Variants in CCDC91 observed in about 807,000 individuals in gnomAD.
CCDC91 encodes the protein coiled-coil domain-containing protein 91.
Under a neutral mutation model 63.2 loss-of-function variants are expected in CCDC91, and 48 were observed. The ratio of observed to expected loss-of-function variants is 0.76; its 90% CI spans 0.60 to 0.97. CCDC91 has a LOEUF of 0.97. Ranked by LOEUF, CCDC91 falls within the 50% of genes least tolerant of loss-of-function variation. CCDC91 has a pLI of 0.00. For synonymous variants in CCDC91, 167 were observed against 165.8 expected (o/e 1.01, Z -0.06); for missense variants, 500 against 494.6 (o/e 1.01, Z -0.10).
intron 3 of CCDC91, among the ~76,000 whole-genome samples, chr12:28,274,612 G>T (rs1220186947): frequency 6.6e-6 from 1 of 152,086 alleles, no homozygotes; most frequent in Non-Finnish European, 1.5e-5. Context: ...AATTGTGAAT[G>T]GGAGTTCAGT....
chr12:28,485,595 C>T (rs1190630876), intron 12 of CCDC91, among the ~76,000 whole-genome samples: 4 of 152,112 alleles, frequency 2.6e-5, no homozygotes, highest in Non-Finnish European at 5.9e-5. Context: ...GTAGTCTTTC[C>T]AGATAAATTA....
intron 3 of CCDC91, among the ~76,000 whole-genome samples, chr12:28,305,443 T>C (rs930188358): frequency 6.6e-5 from 10 of 152,114 alleles, no homozygotes; most frequent in African/African-American, 2.4e-4. Context: ...GGAAGTGTCA[T>C]GTTAAATTAA....
chr12:28,300,834 T>TTTCCC (rs1937995259), intron 3 of CCDC91, among the ~76,000 whole-genome samples: 1 of 151,626 alleles, frequency 6.6e-6, no homozygotes, highest in African/African-American at 2.4e-5. Flanking sequence ...AATTTATTCT[T>TTTCCC]AAGTACTGTA....
At chr12:28,253,680 C>T (rs1291084604) in intron 1 of CCDC91, among the ~76,000 whole-genome samples, 1 of 152,016 alleles carries the variant, frequency 6.6e-6, no homozygotes, top group Non-Finnish European at 1.5e-5. Context: ...TCTCTTTGAC[C>T]TAATTTTTAT....
chr12:28,360,505 A>G (rs1943808300), intron 6 of CCDC91, among the ~76,000 whole-genome samples: 1 of 152,204 alleles, frequency 6.6e-6, no homozygotes, highest in African/African-American at 2.4e-5. Context: ...CCAGCAAGCC[A>G]GTGTCAGAAG....
At chr12:28,217,945 C>G (rs1223373718) in intron 1 of CCDC91, among the ~76,000 whole-genome samples, 1 of 152,030 alleles carries the variant, frequency 6.6e-6, no homozygotes, top group Non-Finnish European at 1.5e-5. Context: ...TAGGTGACAT[C>G]CTTTTCTTAC....
chr12:28,208,103 A>G lies in CCDC91; in HGVS notation c.-15+17462A>G, dbSNP rs189048806. Among the ~76,000 whole-genome samples, 24 of 152,338 alleles carry G rather than the reference A, an allele frequency of 1.6e-4. No homozygotes were observed. In the East Asian group the frequency reaches 3.5e-3, roughly 22 times the overall value. ...GGAATTCTTACCCAGTTCAAATGAC[A>G]TGATTCTAAAGCTATTAGAAACCTG... On this transcript the variant is annotated intron_variant, in intron 1 of 12. Transcript: ENST00000536442.
At position 28,267,849 on chromosome 12, in the gene CCDC91, A is replaced by ATATTACTATATAATTATAT. The variant is rs1947372145; in HGVS notation, c.109+8409_109+8410insTTACTATATAATTATATTA. 2.1e-4 allele frequency among the ~76,000 whole-genome samples: 5 copies of ATATTACTATATAATTATAT among 24,022 alleles called. 1 individual carries two copies. Among genetic ancestry groups the ATATTACTATATAATTATAT allele is most frequent in the African/African-American group, 6.7e-4 (5 of 7,458 alleles). The allele number at this position is 24,022 out of a possible 152,430, so 15.8% of individuals were successfully genotyped here. A position where few individuals can be genotyped will look rare whatever the true frequency, so the allele number is the denominator to read the frequency against. ...TTAATATATAATTATATATAATTAT[A>ATATTACTATATAATTATAT]TAGTAATATATAATTATATATAATT... On this transcript the variant is annotated intron_variant, in intron 3 of 12. Transcript: ENST00000536442.
chr12:28,546,797 AACTTAGTAT>A (rs1410707218), intron 12 of CCDC91, among the ~76,000 whole-genome samples: 1 of 152,080 alleles, frequency 6.6e-6, no homozygotes, highest in Non-Finnish European at 1.5e-5. Context: ...TGGGACTGAT[AACTTAGTAT>A]ACTCTCTGGG....
chr12:28,197,676 T>G (rs1285112590), intron 1 of CCDC91, among the ~76,000 whole-genome samples: 1 of 152,114 alleles, frequency 6.6e-6, no homozygotes, highest in Non-Finnish European at 1.5e-5. Context: ...TTTTAGGTAT[T>G]TTGTATATAT....
At chr12:28,245,277 A>G (rs1429924343) in intron 1 of CCDC91, among the ~76,000 whole-genome samples, 1 of 152,172 alleles carries the variant, frequency 6.6e-6, no homozygotes, top group East Asian at 1.9e-4. Context: ...CAAGGAAAGA[A>G]GTTATTGTAT....
At chr12:28,505,418 G>T (rs186091804) in intron 12 of CCDC91, 1 of 151,788 alleles carries the variant, frequency 6.6e-6, no homozygotes, top group South Asian at 2.1e-4. Flanking sequence ...CACCCTGAAC[G>T]CTCCCGATCT....
chr12:28,299,546 T>C (rs1417090406), intron 3 of CCDC91, among the ~76,000 whole-genome samples: 3 of 151,558 alleles, frequency 2.0e-5, no homozygotes, highest in African/African-American at 7.2e-5. Context: ...CATTTTTCTT[T>C]TATTGAGTAT....
chr12:28,267,434 G>A (rs943375970), intron 3 of CCDC91, among the ~76,000 whole-genome samples: 5 of 150,572 alleles, frequency 3.3e-5, no homozygotes, highest in East Asian at 1.9e-4. Flanking sequence ...AGTTCTTGCC[G>A]TTACAAACAG....
intron 12 of CCDC91, among the ~76,000 whole-genome samples, chr12:28,496,257 G>C (rs1952273842): frequency 6.6e-6 from 1 of 151,542 alleles, no homozygotes; most frequent in Admixed American, 6.6e-5. Flanking sequence ...TCAAGCACTA[G>C]GATAAACTAT....
chr12:28,252,536 A>G (rs1000255460), intron 1 of CCDC91, among the ~76,000 whole-genome samples: 1 of 151,804 alleles, frequency 6.6e-6, no homozygotes, highest in African/African-American at 2.4e-5. Flanking sequence ...CATTTCTGCA[A>G]TTATATATTT....
intron 11 of CCDC91, among the ~76,000 whole-genome samples, chr12:28,463,729 G>C (rs1950417372): frequency 6.6e-6 from 1 of 152,028 alleles, no homozygotes; most frequent in Non-Finnish European, 1.5e-5. Flanking sequence ...TGTCTCTGGG[G>C]GTAATAATAA....
chr12:28,539,203 T>A (rs912345143), intron 12 of CCDC91, among the ~76,000 whole-genome samples: 83 of 152,188 alleles, frequency 5.5e-4, no homozygotes, highest in Non-Finnish European at 9.3e-4. Context: ...CTGAATGGTA[T>A]TGCCTAGGTT....
At chr12:28,367,441 A>G (rs1357056097) in intron 7 of CCDC91, among the ~76,000 whole-genome samples, 1 of 152,220 alleles carries the variant, frequency 6.6e-6, no homozygotes, top group Admixed American at 6.5e-5. Flanking sequence ...CCCAATTCGA[A>G]CAGTATAGAG....
Sources: allele counts gnomAD v4.1 joint callset (sites outside exome capture counted in the v4.1 genomes callset), GRCh38; gene constraint gnomAD v4.1.1; transcripts MANE v1.5; gene names NCBI Gene and HGNC (gene_info 2026-07-23, HGNC 2026-07-21).